Variants in ZHX2 observed in about 807,000 individuals in gnomAD.
ZHX2 encodes the protein zinc fingers and homeoboxes protein 2.
In ZHX2, 6 loss-of-function variants were observed where a neutral mutation model predicts 21.9. The ratio of observed to expected loss-of-function variants is 0.27; its 90% CI spans 0.15 to 0.54. The LOEUF is 0.54. Among genes scored for constraint, ZHX2 ranks in the 20% least tolerant of loss-of-function variants. ZHX2 has a pLI of 0.95. For synonymous variants in ZHX2, 434 were observed against 437.1 expected (o/e 0.99, Z 0.09); for missense variants, 908 against 1,090.7 (o/e 0.83, Z 2.36).
At chr8:122,854,595 AG>A (rs1818985163) in intron 1 of ZHX2, among the ~76,000 whole-genome samples, 1 of 152,182 alleles carries the variant, frequency 6.6e-6, no homozygotes, top group African/African-American at 2.4e-5. Context: ...TGGGACATGA[AG>A]GTCAGCCATG....
rs755964226 is a variant in ZHX2 at position 122,952,374 on chromosome 8, C to G, written c.864C>G (p.Thr288=). ...CTTTCAACAAGTTTCCTTACCCGACCCAGGCTGAGTTGTCCTGGCTGACAG... is the reference window on the plus strand; with the variant it reads ...CTTTCAACAAGTTTCCTTACCCGACGCAGGCTGAGTTGTCCTGGCTGACAG... The part of the protein sequence containing the change: ...INSFNKFPYP[T]QAELSWLTAA... Residue 288 remains threonine (T), a synonymous_variant, in exon 3 of 4, where the codon ACC becomes ACG. Transcript: ENST00000314393. This position sits in a 1 kb window ranked among gnomAD's most constrained non-coding sequence, Gnocchi z 6.9. 2 of 1,614,068 alleles carry G rather than the reference C, an allele frequency of 1.2e-6. No individual in the cohort carries two copies. The highest frequency in any genetic ancestry group is 1.3e-5 in the African/African-American group (1 of 74,918).
At chr8:122,909,662 T>G (rs1006683172) in intron 2 of ZHX2, among the ~76,000 whole-genome samples, 6 of 151,748 alleles carry the variant, frequency 4.0e-5, no homozygotes, top group African/African-American at 1.5e-4. Context: ...ACCTGGGAGG[T>G]GCCAGGGCGT....
chr8:122,929,967 C>G (rs1820944724), intron 2 of ZHX2, among the ~76,000 whole-genome samples: 1 of 152,212 alleles, frequency 6.6e-6, no homozygotes, highest in Non-Finnish European at 1.5e-5. Context: ...CGGCTCCATG[C>G]TGTAGCTCTT....
At chr8:122,872,020 T>TA (rs1311869797) in intron 2 of ZHX2, among the ~76,000 whole-genome samples, 1 of 152,168 alleles carries the variant, frequency 6.6e-6, no homozygotes, top group African/African-American at 2.4e-5. Flanking sequence ...AACTGCACTA[T>TA]AACCCTGACC....
chr8:122,900,171 T>C (rs1444648740), intron 2 of ZHX2, among the ~76,000 whole-genome samples: 1 of 152,014 alleles, frequency 6.6e-6, no homozygotes, highest in Non-Finnish European at 1.5e-5. Context: ...GTATCTGAGG[T>C]TAGGTAATTT....
At position 122,784,170 on chromosome 8, in the gene ZHX2, C is replaced by T. The variant is rs78969763; in HGVS notation, c.-283+2224C>T. On this transcript the variant is annotated intron_variant, in intron 1 of 3. Coordinates refer to ENST00000314393, the MANE Select transcript of ZHX2 (RefSeq NM_014943.5). ...CATGCTGAAAGGTGGCCCCACCCGGCGTTTCTCATCCACATCAGGACCATG... is the reference window on the plus strand; with the variant it reads ...CATGCTGAAAGGTGGCCCCACCCGGTGTTTCTCATCCACATCAGGACCATG... Among the ~76,000 whole-genome samples, 66 of 152,338 alleles carry T rather than the reference C, an allele frequency of 4.3e-4. No homozygotes were observed. In the East Asian group the frequency reaches 7.5e-3, roughly 17 times the overall value.
At chr8:122,954,132 T>C (rs952567445) in intron 3 of ZHX2, 104 bp downstream of exon 3, 14 of 1,028,498 alleles carry the variant, frequency 1.4e-5, no homozygotes, top group South Asian at 3.7e-5. Flanking sequence ...TTGACACAGA[T>C]GGTGGCGTCT....
At chr8:122,865,428 G>T (rs867876868) in intron 2 of ZHX2, among the ~76,000 whole-genome samples, 13 of 152,276 alleles carry the variant, frequency 8.5e-5, no homozygotes, top group African/African-American at 2.9e-4. Context: ...ACGCCCGGCC[G>T]ACTTGGCAAG....
At chr8:122,931,906 G>A (rs1563590052) in intron 2 of ZHX2, among the ~76,000 whole-genome samples, 1 of 152,154 alleles carries the variant, frequency 6.6e-6, no homozygotes, top group Non-Finnish European at 1.5e-5. Flanking sequence ...GGATCGGGGT[G>A]GTCATAGTGG....
chr8:122,829,049 ACT>A (rs1818318515), intron 1 of ZHX2, among the ~76,000 whole-genome samples: 2 of 152,260 alleles, frequency 1.3e-5, no homozygotes, highest in East Asian at 3.9e-4. Flanking sequence ...GGTTATGAAG[ACT>A]CTGTAATAGT....
chr8:122,964,976 G>C (rs2130356754), intron 3 of ZHX2, among the ~76,000 whole-genome samples: 1 of 149,188 alleles, frequency 6.7e-6, no homozygotes, highest in South Asian at 2.1e-4. Context: ...CTATGGTATT[G>C]GTTGTAATAT....
rs563693831 is a variant in ZHX2 at position 122,797,393 on chromosome 8, G to A, written c.-283+15447G>A. Among the ~76,000 whole-genome samples the A allele has an allele frequency of 2.8e-4, 42 of 152,292 alleles. No individual in the cohort carries two copies. The South Asian group carries it at 6.8e-3, about 25-fold the overall frequency. On this transcript the variant is annotated intron_variant, in intron 1 of 3. Coordinates refer to ENST00000314393, the MANE Select transcript of ZHX2 (RefSeq NM_014943.5). ...TCTGCTCACACAACCTCGCAAAGCCGCAAGGAGCCTGGAGACTGTGGGGGA... is the reference window on the plus strand; with the variant it reads ...TCTGCTCACACAACCTCGCAAAGCCACAAGGAGCCTGGAGACTGTGGGGGA...
In ZHX2 at chr8:122,954,861, C is replaced by G. The variant is rs373814132; in HGVS notation, c.*4+833C>G. The stretch of plus-strand genomic sequence containing the variant: ...AGGTTGTTTCTTTTTTTTTTTCCCC[C>G]CTTTTCTTTTTGGATTTTTTAAGAA... On this transcript the variant is annotated intron_variant, in intron 3 of 3. Coordinates refer to ENST00000314393, the MANE Select transcript of ZHX2 (RefSeq NM_014943.5). Among the ~76,000 whole-genome samples the G allele has an allele frequency of 7.0e-3, 1,058 of 151,860 alleles. 3 individuals are homozygous for G. Among genetic ancestry groups the G allele is most frequent in the South Asian group, 0.02 (95 of 4,824 alleles).
intron 1 of ZHX2, among the ~76,000 whole-genome samples, chr8:122,853,821 C>T (rs1313416169): frequency 6.6e-6 from 1 of 152,112 alleles, no homozygotes; most frequent in African/African-American, 2.4e-5. Flanking sequence ...CACTCTCCAA[C>T]AAAGTTACAG....
At chr8:122,860,017 C>T (rs2130768333) in intron 1 of ZHX2, among the ~76,000 whole-genome samples, 1 of 152,322 alleles carries the variant, frequency 6.6e-6, no homozygotes, top group East Asian at 1.9e-4. Context: ...CTGCCTAAGA[C>T]TGGGTCATTT....
chr8:122,922,178 C>T (rs895836145), intron 2 of ZHX2, among the ~76,000 whole-genome samples: 3 of 151,816 alleles, frequency 2.0e-5, no homozygotes, highest in Non-Finnish European at 4.4e-5. Flanking sequence ...CTTCTTATCC[C>T]TCCTCCTGGG....
At chr8:122,845,807 C>T (rs1047696011) in intron 1 of ZHX2, among the ~76,000 whole-genome samples, 4 of 152,186 alleles carry the variant, frequency 2.6e-5, no homozygotes, top group Non-Finnish European at 5.9e-5. Flanking sequence ...GACCAGCATC[C>T]GGAGAACAGT....
chr8:122,953,403 A>G lies in ZHX2; in HGVS notation c.1893A>G (p.Pro631=), dbSNP rs777887346. The G allele has an allele frequency of 6.2e-7, 1 of 1,613,972 alleles. No homozygotes were observed. Among genetic ancestry groups the G allele is most frequent in the African/African-American group, 1.3e-5 (1 of 74,884 alleles). The change falls in exon 3 of 4, where the codon CCA becomes CCG. Residue 631 remains proline (P), a synonymous_variant. Coordinates refer to ENST00000314393, the MANE Select transcript of ZHX2 (RefSeq NM_014943.5). This position sits in a 1 kb window ranked among gnomAD's most constrained non-coding sequence, Gnocchi z 4.6. ...QLTSSLPSPS[P]AIAKSQEQVH... ...CAAGTTCTCTGCCCAGCCCTTCGCC[A>G]GCAATTGCAAAAAGTCAAGAACAGG...
At chr8:122,940,751 G>A (rs7814470) in intron 2 of ZHX2, among the ~76,000 whole-genome samples, 93,929 of 152,056 alleles carry the variant, frequency 0.62, 30,105 homozygotes, top group East Asian at 0.74. Flanking sequence ...TATAGACACA[G>A]TATCAGGAAA....
Sources: allele counts gnomAD v4.1 joint callset (sites outside exome capture counted in the v4.1 genomes callset), GRCh38; gene constraint gnomAD v4.1.1; non-coding constraint Gnocchi (gnomAD v3.1); transcripts MANE v1.5; gene names NCBI Gene and HGNC (gene_info 2026-07-23, HGNC 2026-07-21).